The following RAB6A variants were observed in gnomAD, a reference collection of about 807,000 sequenced individuals.
RAB6A encodes ras-related protein Rab-6A.
In RAB6A, 8 loss-of-function variants were observed where a neutral mutation model predicts 32.3. The ratio of observed to expected loss-of-function variants is 0.25; its 90% confidence interval spans 0.15 to 0.45. The LOEUF (loss-of-function observed/expected upper bound fraction) is 0.45, where lower values mean the gene tolerates loss of function less well. Ranked by LOEUF, RAB6A falls within the 20% of genes least tolerant of loss-of-function variation. The pLI, the probability that RAB6A is intolerant of heterozygous loss-of-function variation, is 1.00. For missense variants in RAB6A, 104 were observed against 249.4 expected, an observed-to-expected ratio of 0.42 and a Z score of 3.93; for synonymous variants, 73 against 82.1, an observed-to-expected ratio of 0.89 and a Z score of 0.60.
chr11:73,700,599 A>AAGG (rs1555056742), intron 6 of RAB6A, among the ~76,000 whole-genome samples: 40 of 8,428 alleles, frequency 4.7e-3, no homozygotes, highest in Admixed American at 0.012. Flanking sequence ...AAAAAAAAAA[A>AAGG]GTGTGTGTGT....
chr11:73,740,165 T>C (rs1463075460), intron 1 of RAB6A, among the ~76,000 whole-genome samples: 3 of 152,132 alleles, frequency 2.0e-5, no homozygotes, highest in African/African-American at 7.2e-5. Context: ...ATTGGCCAGA[T>C]AGTATTGAAC....
chr11:73,760,421 C>A lies in RAB6A; in HGVS notation c.70+145G>T, dbSNP rs1388475240. 4 of 1,130,174 alleles carry A rather than the reference C, an allele frequency of 3.5e-6. No homozygotes were observed. The African/African-American group carries it at 6.4e-5, about 18-fold the overall frequency. The allele number at this position is 1,130,174 out of a possible 1,614,324, so 70.0% of individuals were successfully genotyped here. On this transcript the variant is annotated intron_variant, in intron 1 of 7. Coordinates refer to ENST00000336083, the MANE Select transcript of RAB6A (RefSeq NM_198896.2). Reference sequence around the variant, plus strand: ...GGCCACTGGCGAAGAGCCAGTGGCACCGGGGGGCACATCGGGAAGGGCTGC... The same window carrying A: ...GGCCACTGGCGAAGAGCCAGTGGCAACGGGGGGCACATCGGGAAGGGCTGC...
At chr11:73,754,584 A>G (rs1385444495) in intron 1 of RAB6A, among the ~76,000 whole-genome samples, 1 of 152,202 alleles carries the variant, frequency 6.6e-6, no homozygotes, top group African/African-American at 2.4e-5. Context: ...CTCTCACTAA[A>G]TATCTGTTTG....
intron 5 of RAB6A, among the ~76,000 whole-genome samples, chr11:73,710,021 C>T (rs1333259335): frequency 1.4e-5 from 2 of 147,906 alleles, no homozygotes; most frequent in Non-Finnish European, 3.0e-5. Context: ...TGAAGTGGCA[C>T]GATCTCGGCT....
Position 73,724,509 on chromosome 11 carries a change from G to A in RAB6A, c.130-3610C>T, listed in dbSNP as rs543765721. The stretch of plus-strand genomic sequence containing the variant: ...GTTTTTTTTTTTTTTTTTTTGAGAC[G>A]GAGTCTCGCTCTGTCACCCAGGCTG... On this transcript the variant is annotated intron_variant, in intron 2 of 7. Coordinates refer to ENST00000336083, the MANE Select transcript of RAB6A (RefSeq NM_198896.2). 9.0e-4 allele frequency among the ~76,000 whole-genome samples: 117 copies of A among 129,900 alleles called. 2 individuals are homozygous for A. The highest frequency in any genetic ancestry group is 4.2e-4 in the Admixed American group (5 of 11,914). The allele number at this position is 129,900 out of a possible 152,430, so 85.2% of individuals were successfully genotyped here.
intron 1 of RAB6A, among the ~76,000 whole-genome samples, chr11:73,731,104 A>T (rs1565369542): frequency 2.6e-4 from 40 of 151,918 alleles, no homozygotes; most frequent in Middle Eastern, 3.4e-3. Context: ...AAGGCCAAGT[A>T]AACACTTACT....
intron 6 of RAB6A, among the ~76,000 whole-genome samples, chr11:73,700,609 T>TGTTGGGGGGGGG (rs1182408346): frequency 3.5e-5 from 1 of 28,620 alleles, no homozygotes; most frequent in African/African-American, 2.0e-4. Flanking sequence ...AGTGTGTGTG[T>TGTTGGGGGGGGG]GGGGGGGGGG....
rs942345445 is a variant in RAB6A, at chr11:73,710,195, G to A, written c.402-2682C>T. Among the ~76,000 whole-genome samples the A allele has an allele frequency of 6.7e-5, 10 of 148,630 alleles. No homozygotes were observed. In the South Asian group the frequency reaches 1.1e-3, roughly 16 times the overall value. ...GTTAGCCAGGATGGTCTCGATCTCC[G>A]GACCTCGTGATCCACCCGCCTTGGC... On this transcript the variant is annotated intron_variant, in intron 5 of 7. Transcript: ENST00000336083.
intron 2 of RAB6A, among the ~76,000 whole-genome samples, chr11:73,728,033 A>G (rs919026644): frequency 3.3e-5 from 5 of 152,220 alleles, no homozygotes; most frequent in African/African-American, 1.2e-4. Context: ...ATGCTCCCCA[A>G]TTGTTTCACA....
chr11:73,754,442 T>G (rs1946714936), intron 1 of RAB6A, among the ~76,000 whole-genome samples: 1 of 152,246 alleles, frequency 6.6e-6, no homozygotes, highest in Non-Finnish European at 1.5e-5. Context: ...TCTTGAAATG[T>G]ATTGTGGAGT....
At chr11:73,694,628 T>C (rs555186822) in intron 6 of RAB6A, among the ~76,000 whole-genome samples, 1 of 152,358 alleles carries the variant, frequency 6.6e-6, no homozygotes, top group South Asian at 2.1e-4. Context: ...ATCCCAGCAC[T>C]TTGGGAGGCC....
chr11:73,679,825 C>T, intron 6 of RAB6A, 105 bp from the exon 7 acceptor site: 1 of 1,450,370 alleles, frequency 6.9e-7, no homozygotes, highest in Non-Finnish European at 9.6e-7. Context: ...GGCGCAGTGG[C>T]TCACACCTGT....
intron 1 of RAB6A, among the ~76,000 whole-genome samples, chr11:73,736,313 G>C (rs908445070): frequency 1.1e-4 from 17 of 151,834 alleles, no homozygotes; most frequent in African/African-American, 3.9e-4. Flanking sequence ...CCCACAATCT[G>C]AGCTACTTGG....
chr11:73,731,684 T>TAATATATATA lies in RAB6A; in HGVS notation c.71-862_71-861insTATATATATT, dbSNP rs1318187273. Reference sequence around the variant, plus strand: ...GTATTGTGAGATAGATAGATAGATATTATATATATATATATATATATATAT... The same window carrying TAATATATATA: ...GTATTGTGAGATAGATAGATAGATATAATATATATATATATATATATATATATATATATAT... On this transcript the variant is annotated intron_variant, in intron 1 of 7. Transcript: ENST00000336083. Among the ~76,000 whole-genome samples, 63 of 14,394 alleles carry TAATATATATA rather than the reference T, an allele frequency of 4.4e-3. 3 individuals carry two copies. The highest frequency in any genetic ancestry group is 0.01 in the South Asian group (2 of 194). The allele number at this position is 14,394 out of a possible 152,430, so 9.4% of individuals were successfully genotyped here.
chr11:73,724,765 C>T (rs1469886153), intron 2 of RAB6A, among the ~76,000 whole-genome samples: 2 of 152,150 alleles, frequency 1.3e-5, no homozygotes, highest in Non-Finnish European at 2.9e-5. Context: ...GGATTACAGG[C>T]GTGAGCCACT....
chr11:73,739,263 T>TTAAAA (rs1555066890), intron 1 of RAB6A, among the ~76,000 whole-genome samples: 24 of 9,382 alleles, frequency 2.6e-3, no homozygotes, highest in African/African-American at 5.7e-3. Flanking sequence ...TAATAATAAT[T>TTAAAA]AAAAAAAAAA....
intron 1 of RAB6A, chr11:73,759,982 T>A: frequency 8.1e-7 from 1 of 1,236,936 alleles, no homozygotes; most frequent in Non-Finnish European, 1.1e-6. Flanking sequence ...GTTTCCTCTA[T>A]GGCCCAGACT....
At chr11:73,733,417 T>C (rs1946347145) in intron 1 of RAB6A, among the ~76,000 whole-genome samples, 1 of 151,862 alleles carries the variant, frequency 6.6e-6, no homozygotes, top group African/African-American at 2.4e-5. Flanking sequence ...GGTGTGGTGA[T>C]GCGCGCCTGT....
intron 1 of RAB6A, among the ~76,000 whole-genome samples, chr11:73,738,885 A>G (rs1946444388): frequency 6.6e-6 from 1 of 150,654 alleles, no homozygotes; most frequent in Non-Finnish European, 1.5e-5. Flanking sequence ...CGGAGGCTGC[A>G]GTGAGCCAAG....
Sources: allele counts gnomAD v4.1 joint callset (sites outside exome capture counted in the v4.1 genomes callset), GRCh38; gene constraint gnomAD v4.1.1; transcripts MANE v1.5; gene names NCBI Gene and HGNC (gene_info 2026-07-23, HGNC 2026-07-21).